The following NLRP7 variants were observed in gnomAD, a reference collection of about 807,000 sequenced individuals.
NLRP7 encodes the protein NACHT, LRR and PYD domains-containing protein 7.
Under a neutral mutation model 85.5 loss-of-function variants are expected in NLRP7, and 72 were observed. That is an observed-to-expected ratio of 0.84 (90% CI 0.70 to 1.02). The LOEUF is 1.02. Ranked by LOEUF, NLRP7 falls within the 50% of genes least tolerant of loss-of-function variation. NLRP7 has a pLI of 0.00. For synonymous variants in NLRP7, 550 were observed against 505.2 expected (o/e 1.09, Z -1.19); for missense variants, 1,243 against 1,219.5 (o/e 1.02, Z -0.29).
chr19:54,938,753 G>T, intron 4 of NLRP7, 135 bp downstream of exon 4: 1 of 980,520 alleles, frequency 1.0e-6, no homozygotes, highest in Non-Finnish European at 1.6e-6. Context: ...ATTCCTAATT[G>T]CCAAGTCGTG....
At chr19:54,963,548 G>A (rs1018980138) in intron 1 of NLRP7, among the ~76,000 whole-genome samples, 10 of 151,958 alleles carry the variant, frequency 6.6e-5, no homozygotes, top group African/African-American at 2.4e-4. Context: ...AAAAGGCTAG[G>A]CGCAGTGGCT....
chr19:54,940,091 G>T (rs2069152404), exon 4 of NLRP7: 1 of 1,614,040 alleles, frequency 6.2e-7, no homozygotes, highest in Admixed American at 1.7e-5. Flanking sequence ...CTGTGCTTGG[G>T]CTAGGATGCT....
intron 1 of NLRP7, among the ~76,000 whole-genome samples, chr19:54,946,670 C>T (rs1020171247): frequency 2.0e-5 from 3 of 149,522 alleles, no homozygotes; most frequent in Non-Finnish European, 4.5e-5. Flanking sequence ...GACGGAGTCG[C>T]ACTCTGTCTC....
At chr19:54,931,410 C>T (rs2068670976) in intron 8 of NLRP7, among the ~76,000 whole-genome samples, 1 of 152,104 alleles carries the variant, frequency 6.6e-6, no homozygotes, top group Non-Finnish European at 1.5e-5. Flanking sequence ...CAAAAATTAG[C>T]TGGGCACGAT....
In NLRP7 at chr19:54,938,024, C is replaced by A; in HGVS notation, c.2129+20G>T. Reference sequence around the variant, plus strand: ...TAGTCATCGTTCAGGGTCTTCCTTGCAAGATGAGCTTCTACTTACTCCACT... The same window carrying A: ...TAGTCATCGTTCAGGGTCTTCCTTGAAAGATGAGCTTCTACTTACTCCACT... On this transcript the variant is annotated intron_variant, in intron 5 of 9. Coordinates refer to ENST00000340844, the Ensembl canonical transcript of NLRP7. The A allele has an allele frequency of 6.3e-7, 1 of 1,595,852 alleles. No individual in the cohort carries two copies. Among genetic ancestry groups the A allele is most frequent in the South Asian group, 1.1e-5 (1 of 90,704 alleles).
intron 1 of NLRP7, among the ~76,000 whole-genome samples, chr19:54,943,300 C>G (rs1233680040): frequency 6.6e-6 from 1 of 151,518 alleles, no homozygotes; most frequent in Non-Finnish European, 1.5e-5. Context: ...GAGGCCCTGT[C>G]TCAAAAGTAA....
At chr19:54,955,244 A>G (rs937699442) in intron 1 of NLRP7, among the ~76,000 whole-genome samples, 24 of 151,678 alleles carry the variant, frequency 1.6e-4, no homozygotes, top group African/African-American at 5.8e-4. Context: ...CAGGAGAATC[A>G]CTTGAACCCG....
At chr19:54,964,534 T>C (rs1380647642) in intron 1 of NLRP7, among the ~76,000 whole-genome samples, 3 of 150,162 alleles carry the variant, frequency 2.0e-5, no homozygotes, top group Non-Finnish European at 4.4e-5. Flanking sequence ...ACAAAATTAA[T>C]ACTGCCAGCC....
intron 8 of NLRP7, among the ~76,000 whole-genome samples, chr19:54,933,139 G>GT (rs112864720): frequency 0.029 from 4,410 of 151,012 alleles, 227 homozygotes; most frequent in African/African-American, 0.1. Context: ...TATCTGCCTG[G>GT]TTTTTTTTGT....
Position 54,957,624 on chromosome 19 carries a change from C to T in NLRP7, c.-77+8416G>A, listed in dbSNP as rs2069901558. Among the ~76,000 whole-genome samples, 6 of 152,056 alleles carry T rather than the reference C, an allele frequency of 3.9e-5. No individual in the cohort carries two copies. The South Asian group carries it at 1.0e-3, about 26-fold the overall frequency. Reference sequence around the variant, plus strand: ...CCTCCCAAACTGCTGGGATCACAGGCGTGAGCCACTGCACCCTACACTCTT... The same window carrying T: ...CCTCCCAAACTGCTGGGATCACAGGTGTGAGCCACTGCACCCTACACTCTT... On this transcript the variant is annotated intron_variant, in intron 1 of 2. Coordinates refer to the NLRP7 transcript ENST00000587103.
rs2069144965 is a variant in NLRP7, at chr19:54,939,982, C to CACCG, written c.833_836dup (p.Pro280GlyfsTer70). 6.2e-7 allele frequency: 1 copy of CACCG among 1,614,054 alleles called. No homozygotes were observed. Among genetic ancestry groups the CACCG allele is most frequent in the South Asian group, 1.1e-5 (1 of 91,092 alleles). ...TCAGCAAACTCCCCAGGAGGACGGG[C>CACCG]ACCGGCTTCTTCTTCTCCCAGTCCC... is the stretch of plus-strand genomic sequence containing the variant. On this transcript the variant is annotated frameshift_variant, in exon 4 of 10. Coordinates refer to ENST00000340844, the Ensembl canonical transcript of NLRP7. LOFTEE classifies it high-confidence loss of function.
chr19:54,944,962 A>G (rs1484731391), intron 1 of NLRP7, among the ~76,000 whole-genome samples: 2 of 151,828 alleles, frequency 1.3e-5, no homozygotes, highest in African/African-American at 2.4e-5. Flanking sequence ...TTTTTTGGCC[A>G]GGCACGGTGG....
exon 2 of NLRP7, chr19:54,941,663 G>C (rs767641758): frequency 6.2e-7 from 1 of 1,613,828 alleles, no homozygotes; most frequent in Admixed American, 1.7e-5. Context: ...TCCTCGTTCA[G>C]CTGCTCCAGA....
At chr19:54,932,005 C>T (rs2068700528) in intron 8 of NLRP7, among the ~76,000 whole-genome samples, 1 of 152,070 alleles carries the variant, frequency 6.6e-6, no homozygotes, top group Non-Finnish European at 1.5e-5. Flanking sequence ...TTTCACTTTC[C>T]CTGTCATTTT....
At chr19:54,965,586 G>C (rs1384482163) in intron 1 of NLRP7, among the ~76,000 whole-genome samples, 1 of 61,676 alleles carries the variant, frequency 1.6e-5, no homozygotes, top group Admixed American at 1.6e-4. Flanking sequence ...CTCCCGAGTA[G>C]CTGGGACTAC....
chr19:54,928,460 G>A (rs1454465333), intron 9 of NLRP7, among the ~76,000 whole-genome samples: 1 of 152,100 alleles, frequency 6.6e-6, no homozygotes, highest in Non-Finnish European at 1.5e-5. Context: ...AAAGGCAGAG[G>A]GGAGTGAGCA....
rs934457117 is a variant in NLRP7, at chr19:54,938,740, C to T, written c.1931+148G>A. On this transcript the variant is annotated intron_variant, in intron 4 of 9. Coordinates refer to ENST00000340844, the Ensembl canonical transcript of NLRP7. The stretch of plus-strand genomic sequence containing the variant: ...GACTCCGTCTCAAAAATAAAAAGCC[C>T]CAATTCCTAATTGCCAAGTCGTGTC... The T allele has an allele frequency of 4.2e-5, 38 of 905,404 alleles. No individual in the cohort carries two copies. The African/African-American group carries it at 6.1e-4, about 15-fold the overall frequency. The allele number at this position is 905,404 out of a possible 1,614,324, so 56.1% of individuals were successfully genotyped here. A position where few individuals can be genotyped will look rare whatever the true frequency, so the allele number is the denominator to read the frequency against.
At chr19:54,962,774 T>G in intron 1 of NLRP7, among the ~76,000 whole-genome samples, 1 of 148,780 alleles carries the variant, frequency 6.7e-6, no homozygotes, top group South Asian at 2.2e-4. Flanking sequence ...TAATTTTTTG[T>G]ATTTTTAGTA....
At chr19:54,931,856 A>C (rs889926389) in intron 8 of NLRP7, among the ~76,000 whole-genome samples, 6 of 137,188 alleles carry the variant, frequency 4.4e-5, no homozygotes, top group East Asian at 4.5e-4. Context: ...AAAAAAAAAA[A>C]AAAACATCCA....
Sources: allele counts gnomAD v4.1 joint callset (sites outside exome capture counted in the v4.1 genomes callset), GRCh38; gene constraint gnomAD v4.1.1; transcripts MANE v1.5; gene names NCBI Gene and HGNC (gene_info 2026-07-23, HGNC 2026-07-21).